Variants in JPH3 observed in about 807,000 individuals in gnomAD.
JPH3 encodes junctophilin 3, also known as junctophilin-3.
In JPH3, 11 loss-of-function variants were observed where a neutral mutation model predicts 59.6. The ratio of observed to expected loss-of-function variants is 0.18; its 90% CI spans 0.12 to 0.31. The LOEUF (loss-of-function observed/expected upper bound fraction) is 0.31. Ranked by LOEUF, JPH3 falls within the 10% of genes least tolerant of loss-of-function variation. The pLI, the probability that JPH3 is intolerant of heterozygous loss-of-function variation, is 1.00. For missense variants in JPH3, 1,202 were observed against 1,105.7 expected (o/e 1.09, Z -1.24); for synonymous variants, 673 against 483.6 (o/e 1.39, Z -5.14).
At chr16:87,604,576 G>T (rs945300940) in intron 1 of JPH3, 1 of 1,236,018 alleles carries the variant, frequency 8.1e-7, no homozygotes, top group Non-Finnish European at 1.0e-6. Context: ...TGGGAAGGGA[G>T]TGAGACGCAG....
intron 2 of JPH3, among the ~76,000 whole-genome samples, chr16:87,669,786 C>G (rs994743885): frequency 1.3e-5 from 2 of 152,202 alleles, no homozygotes; most frequent in Non-Finnish European, 1.5e-5. Context: ...AGAGCAGTCA[C>G]TGCTGACGTG....
chr16:87,695,025 G>A (rs2033758452), intron 4 of JPH3: 2 of 327,284 alleles, frequency 6.1e-6, no homozygotes, highest in Admixed American at 4.1e-5. Flanking sequence ...GCACACACAA[G>A]GTTTTGAGTG....
chr16:87,603,842 C>T (rs1044287833), intron 1 of JPH3, among the ~76,000 whole-genome samples: 5 of 152,196 alleles, frequency 3.3e-5, no homozygotes, highest in Admixed American at 2.0e-4. Context: ...AGGCTGGGCC[C>T]GCGGCCCTGG....
chr16:87,624,292 C>A (rs2031288882), intron 1 of JPH3, among the ~76,000 whole-genome samples: 1 of 152,230 alleles, frequency 6.6e-6, no homozygotes, highest in Non-Finnish European at 1.5e-5. Context: ...CAAGAAGAAA[C>A]CCTCTAGCTA....
intron 2 of JPH3, among the ~76,000 whole-genome samples, chr16:87,650,053 A>G (rs979457805): frequency 2.6e-5 from 4 of 152,166 alleles, no homozygotes; most frequent in African/African-American, 7.2e-5. Flanking sequence ...ACCTTGATTC[A>G]GGGGGTTTCG....
chr16:87,654,318 G>T (rs4843654), intron 2 of JPH3: 106,078 of 152,092 alleles, frequency 0.7, 37,515 homozygotes, highest in African/African-American at 0.8. Context: ...ACACTTACTT[G>T]TCCCCCTTTA....
chr16:87,635,905 C>T (rs2031727453), intron 1 of JPH3, among the ~76,000 whole-genome samples: 1 of 152,194 alleles, frequency 6.6e-6, no homozygotes, highest in Non-Finnish European at 1.5e-5. Context: ...CTGAGAGGGT[C>T]TGGAAGGAAG....
At chr16:87,606,985 A>T (rs2030544840) in intron 1 of JPH3, among the ~76,000 whole-genome samples, 1 of 152,112 alleles carries the variant, frequency 6.6e-6, no homozygotes, top group Admixed American at 6.5e-5. Context: ...GTTGGGAGGA[A>T]CCAGCAGGCG....
At position 87,689,934 on chromosome 16, in the gene JPH3, A is replaced by G. The variant is rs1408772770; in HGVS notation, c.1574A>G (p.Asp525Gly). The change falls in exon 4 of 5, where the codon GAC becomes GGC. Residue 525 changes from aspartate (D) to glycine (G), a missense_variant. Asp to Gly is a moderately conservative substitution (Grantham distance 94, BLOSUM62 -1). Coordinates refer to ENST00000284262, the MANE Select transcript of JPH3 (RefSeq NM_020655.4). Reference protein sequence around the residue: ...IQMLLEGRAGDCARSSWGEEQ... With the variant: ...IQMLLEGRAGGCARSSWGEEQ... ...ATGCTCCTGGAGGGCCGGGCCGGGGACTGCGCCCGCAGCAGCTGGGGCGAG... is the reference window on the plus strand; with the variant it reads ...ATGCTCCTGGAGGGCCGGGCCGGGGGCTGCGCCCGCAGCAGCTGGGGCGAG... The G allele has an allele frequency of 1.4e-6, 2 of 1,449,742 alleles. No homozygotes were observed. The highest frequency in any genetic ancestry group is 1.8e-6 in the Non-Finnish European group (2 of 1,104,986). 89.8% of individuals were successfully genotyped at this position (1,449,742 alleles called of 1,614,324 possible). A position where few individuals can be genotyped will look rare whatever the true frequency, so the allele number is the denominator to read the frequency against.
intron 1 of JPH3, among the ~76,000 whole-genome samples, chr16:87,607,967 G>A (rs2050647504): frequency 6.6e-6 from 1 of 152,352 alleles, no homozygotes; most frequent in African/African-American, 2.4e-5. Context: ...CTATTTTTTT[G>A]TTGCCAGTTA....
At chr16:87,677,116 G>C (rs921070192) in intron 2 of JPH3, among the ~76,000 whole-genome samples, 1 of 151,060 alleles carries the variant, frequency 6.6e-6, no homozygotes, top group Admixed American at 6.6e-5. Context: ...CTGAGATCGT[G>C]CCACTGCAAT....
At chr16:87,618,337 C>G (rs1053238783) in intron 1 of JPH3, among the ~76,000 whole-genome samples, 2 of 151,996 alleles carry the variant, frequency 1.3e-5, no homozygotes. Context: ...CGGGCAGCAG[C>G]TGGGGGAGGA....
intron 1 of JPH3, among the ~76,000 whole-genome samples, chr16:87,634,289 C>T (rs577176847): frequency 3.2e-4 from 49 of 152,206 alleles, no homozygotes; most frequent in African/African-American, 8.2e-4. Flanking sequence ...GGGTCTGTTC[C>T]GGGGCATCCT....
In JPH3 at chr16:87,684,165, C is replaced by T. The variant is rs1166670793; in HGVS notation, c.1184C>T (p.Ala395Val). The change falls in exon 3 of 5, where the codon GCC becomes GTC. Residue 395 changes from alanine to valine, a missense_variant. Coordinates refer to ENST00000284262, the MANE Select transcript of JPH3 (RefSeq NM_020655.4). ...AGGACCTCCCACTCTCGGGCAAAGG[C>T]CGAGGCAGCCCTCACAGCAGCTCAG... is the stretch of plus-strand genomic sequence containing the variant. ...ASRTSHSRAKAEAALTAAQKA... is the reference protein window; with the variant it reads ...ASRTSHSRAKVEAALTAAQKA... The T allele has an allele frequency of 1.9e-6, 3 of 1,613,622 alleles. No homozygotes were observed. The highest frequency in any genetic ancestry group is 2.5e-6 in the Non-Finnish European group (3 of 1,180,008).
At chr16:87,612,339 G>A (rs2030758779) in intron 1 of JPH3, among the ~76,000 whole-genome samples, 1 of 152,146 alleles carries the variant, frequency 6.6e-6, no homozygotes, top group South Asian at 2.1e-4. Flanking sequence ...TTCCCAGACT[G>A]GTCTCAAACT....
chr16:87,602,393 C>T (rs1426374600), upstream of JPH3, among the ~76,000 whole-genome samples: 2 of 110,138 alleles, frequency 1.8e-5, no homozygotes, highest in Non-Finnish European at 3.7e-5. Flanking sequence ...GGCCGCGCCC[C>T]TCTTGGGACC....
intron 2 of JPH3, among the ~76,000 whole-genome samples, chr16:87,683,457 A>G (rs1009268689): frequency 6.6e-6 from 1 of 152,076 alleles, no homozygotes; most frequent in African/African-American, 2.4e-5. Context: ...GGCACGTGCC[A>G]CAACACCCGG....
intron 2 of JPH3, among the ~76,000 whole-genome samples, chr16:87,677,606 A>T (rs960093160): frequency 1.3e-5 from 2 of 152,192 alleles, no homozygotes; most frequent in African/African-American, 2.4e-5. Context: ...GCCCAGGTAA[A>T]GCAGCTGGTG....
At chr16:87,678,437 G>T (rs1305446987) in intron 2 of JPH3, among the ~76,000 whole-genome samples, 5 of 152,068 alleles carry the variant, frequency 3.3e-5, no homozygotes, top group African/African-American at 1.2e-4. Context: ...TACTTGGGAG[G>T]CTGAGGAAGG....
Sources: gnomAD v4.1 joint callset for allele counts (sites outside exome capture counted in the v4.1 genomes callset) on GRCh38, gnomAD v4.1.1 for gene constraint, MANE v1.5 for transcripts, NCBI Gene and HGNC (gene_info 2026-07-23, HGNC 2026-07-21) for gene names.